The following LRP2BP variants were observed in gnomAD, a reference collection of about 807,000 sequenced individuals.
LRP2BP encodes LRP2-binding protein.
Under a neutral mutation model 45.2 loss-of-function variants are expected in LRP2BP, and 38 were observed. That is an observed-to-expected ratio of 0.84 (90% CI 0.65 to 1.10). The LOEUF (loss-of-function observed/expected upper bound fraction) is 1.10. LRP2BP is among the 50% of genes least tolerant of loss of function. The probability of loss-of-function intolerance (pLI) is 0.00; values close to 1 mark genes in which losing one functional copy is unlikely to be tolerated. For missense variants in LRP2BP, 385 were observed against 418.9 expected, an observed-to-expected ratio of 0.92 and a Z score of 0.71; for synonymous variants, 153 against 153.9, an observed-to-expected ratio of 0.99 and a Z score of 0.04.
chr4:185,377,347 C>T (rs1319734354), intron 2 of LRP2BP: 1 of 219,024 alleles, frequency 4.6e-6, no homozygotes, highest in Non-Finnish European at 9.3e-6. Flanking sequence ...GGAGAAACCC[C>T]GTCTCTACTA....
upstream of LRP2BP, chr4:185,395,969 A>G (rs1287686689): frequency 1.1e-6 from 1 of 943,686 alleles, no homozygotes; most frequent in East Asian, 1.2e-4. Context: ...AAGTCAGGTC[A>G]TGTTCTACAA....
At chr4:185,368,162 A>G (rs184766076) in intron 8 of LRP2BP, among the ~76,000 whole-genome samples, 1 of 152,296 alleles carries the variant, frequency 6.6e-6, no homozygotes, top group East Asian at 1.9e-4. Flanking sequence ...TGGGCAACAG[A>G]GCCAGACTCC....
At chr4:185,378,476 G>A in intron 1 of LRP2BP, 1 of 1,173,718 alleles carries the variant, frequency 8.5e-7, no homozygotes, top group South Asian at 2.5e-5. Flanking sequence ...CTGGCTATGG[G>A]TTTATACATC....
chr4:185,380,062 A>G (rs537722804), intron 1 of LRP2BP, among the ~76,000 whole-genome samples: 3 of 152,278 alleles, frequency 2.0e-5, no homozygotes, highest in South Asian at 4.1e-4. Context: ...GGCTCCAGCA[A>G]TCCTCCTGTC....
intron 7 of LRP2BP, among the ~76,000 whole-genome samples, chr4:185,371,529 G>C (rs1252762988): frequency 2.0e-4 from 26 of 131,190 alleles, no homozygotes; most frequent in African/African-American, 6.4e-4. Flanking sequence ...GCAACAGAGC[G>C]AGACTCCGTC....
chr4:185,380,094 G>A (rs1419598290), intron 1 of LRP2BP, among the ~76,000 whole-genome samples: 1 of 152,176 alleles, frequency 6.6e-6, no homozygotes, highest in Non-Finnish European at 1.5e-5. Context: ...GTGTGCTGCG[G>A]TTACCGCAGT....
intron 1 of LRP2BP, among the ~76,000 whole-genome samples, chr4:185,382,984 AT>A (rs1178166769): frequency 6.6e-6 from 1 of 152,176 alleles, no homozygotes; most frequent in Non-Finnish European, 1.5e-5. Context: ...CATTGAGTTC[AT>A]TCTGTGTATG....
intron 3 of LRP2BP, among the ~76,000 whole-genome samples, chr4:185,376,443 C>CCTTTTTTTTT (rs2095437874): frequency 9.4e-6 from 1 of 105,824 alleles, no homozygotes; most frequent in African/African-American, 3.9e-5. Flanking sequence ...TGCCCAGCTA[C>CCTTTTTTTTT]TTTTTTTTTT....
intron 1 of LRP2BP, among the ~76,000 whole-genome samples, chr4:185,389,184 T>A (rs573178001): frequency 2.2e-3 from 331 of 150,832 alleles, no homozygotes; most frequent in Admixed American, 3.5e-3. Context: ...TGGCCTTTTT[T>A]AATTTTTATT....
At chr4:185,378,635 C>G in intron 1 of LRP2BP, 1 of 988,432 alleles carries the variant, frequency 1.0e-6, no homozygotes, top group Non-Finnish European at 1.2e-6. Flanking sequence ...AAGCACTTGT[C>G]TATTTTACCT....
At chr4:185,382,446 G>A (rs1004405578) in intron 1 of LRP2BP, among the ~76,000 whole-genome samples, 1 of 152,176 alleles carries the variant, frequency 6.6e-6, no homozygotes, top group African/African-American at 2.4e-5. Context: ...TTGCCAATCT[G>A]TATTTCAAAG....
At chr4:185,375,518 A>ATATATATATATATATG (rs1554018477) in intron 4 of LRP2BP, 95 bp downstream of exon 4, 7 of 126,916 alleles carry the variant, frequency 5.5e-5, no homozygotes, top group African/African-American at 2.0e-4. Context: ...ATATATATGT[A>ATATATATATATATATG]TATATATATG....
At chr4:185,369,720 C>T (rs2095408406) in intron 8 of LRP2BP, 1 of 436,042 alleles carries the variant, frequency 2.3e-6, no homozygotes, top group Non-Finnish European at 4.6e-6. Flanking sequence ...TTTAGGGTTC[C>T]CAAACTTACC....
chr4:185,370,881 G>C, intron 7 of LRP2BP, 67 bp from the exon 8 acceptor site: 1 of 1,509,178 alleles, frequency 6.6e-7, no homozygotes, highest in Non-Finnish European at 9.2e-7. Context: ...AAAACGATGC[G>C]CCTAGAGACT....
intron 1 of LRP2BP, among the ~76,000 whole-genome samples, chr4:185,387,888 C>A (rs1393821086): frequency 6.6e-6 from 1 of 152,170 alleles, no homozygotes; most frequent in Non-Finnish European, 1.5e-5. Flanking sequence ...GGTTCTGAGG[C>A]AGGGGTGGAA....
intron 4 of LRP2BP, 145 bp from the exon 5 acceptor site, chr4:185,374,606 G>A (rs934222796): frequency 1.7e-5 from 14 of 819,054 alleles, no homozygotes; most frequent in Non-Finnish European, 2.6e-5. Context: ...CAATTGTCCT[G>A]GATTCTGCAG....
At chr4:185,393,031 T>G (rs1164566305) in intron 1 of LRP2BP, among the ~76,000 whole-genome samples, 1 of 152,206 alleles carries the variant, frequency 6.6e-6, no homozygotes. Context: ...CTTCCTGGGT[T>G]CAAGTGATTC....
At chr4:185,379,803 C>T (rs1335551226) in intron 1 of LRP2BP, among the ~76,000 whole-genome samples, 1 of 145,334 alleles carries the variant, frequency 6.9e-6, no homozygotes, top group Middle Eastern at 3.5e-3. Context: ...TGTCCCAGCA[C>T]CTGCGCACTT....
At chr4:185,369,926 A>T (rs2095409423) in intron 8 of LRP2BP, 1 of 292,080 alleles carries the variant, frequency 3.4e-6, no homozygotes, top group Non-Finnish European at 6.7e-6. Flanking sequence ...TCCCCCACTC[A>T]GGCTGAACAA....
Sources: gnomAD v4.1 joint callset for allele counts (sites outside exome capture counted in the v4.1 genomes callset) on GRCh38, gnomAD v4.1.1 for gene constraint, MANE v1.5 for transcripts, NCBI Gene and HGNC (gene_info 2026-07-23, HGNC 2026-07-21) for gene names.